The following SEMA5A variants were observed in gnomAD, a reference collection of about 807,000 sequenced individuals.
SEMA5A encodes semaphorin 5A, also known as semaphorin-5A.
A neutral mutation model predicts 135.5 loss-of-function variants in SEMA5A; 55 were observed. That is an observed-to-expected ratio of 0.41 (90% CI 0.33 to 0.51). The LOEUF is 0.51. Ranked by LOEUF, SEMA5A falls within the 20% of genes least tolerant of loss-of-function variation. The pLI is 0.37. For synonymous variants in SEMA5A, 580 were observed against 546.5 expected (o/e 1.06, Z -0.85); for missense variants, 1,290 against 1,419.9 (o/e 0.91, Z 1.47).
At position 9,154,589 on chromosome 5, in the gene SEMA5A, C is replaced by T. The variant is rs764953892; in HGVS notation, c.1380G>A (p.Arg460=). The T allele has an allele frequency of 1.1e-5, 17 of 1,613,796 alleles. No individual in the cohort carries two copies. The highest frequency in any genetic ancestry group is 5.3e-5 in the African/African-American group (4 of 74,914). ...LFPERRREPI[R]SLQILHSQSV... ...TCTGGCTGTGCAGGATCTGCAGGCT[C>T]CTGATGGGCTCCCTCCGCCTCTCAG... The change falls in exon 12 of 23, where the codon AGG becomes AGA. Residue 460 remains arginine, a synonymous_variant. Transcript: ENST00000382496.
chr5:9,510,564 C>A (rs181008071), intron 1 of SEMA5A, among the ~76,000 whole-genome samples: 1 of 151,988 alleles, frequency 6.6e-6, no homozygotes, highest in Non-Finnish European at 1.5e-5. Context: ...GTTTTATAAA[C>A]GGGTTATAGC....
chr5:9,040,650 ATAT>A lies in SEMA5A; in HGVS notation c.*2244_*2246del, dbSNP rs142324177. On this transcript the variant is annotated 3_prime_UTR_variant, in exon 23 of 23. Transcript: ENST00000382496. ...CAATGCTAATTTCAAAGGTTTGTTT[ATAT>A]TATTAACAACATGAAGATCCTGTAG... The A allele has an allele frequency of 1.3e-5, 2 of 152,230 alleles. No individual in the cohort carries two copies. The highest frequency in any genetic ancestry group is 2.4e-5 in the African/African-American group (1 of 41,464). 9.4% of individuals were successfully genotyped at this position (152,230 alleles called of 1,614,324 possible). A position where few individuals can be genotyped will look rare whatever the true frequency, so the allele number is the denominator to read the frequency against.
intron 2 of SEMA5A, among the ~76,000 whole-genome samples, chr5:9,417,395 C>T (rs1579507139): frequency 6.6e-6 from 1 of 152,210 alleles, no homozygotes; most frequent in Non-Finnish European, 1.5e-5. Flanking sequence ...AAATTTCTCA[C>T]ATAAATCTGA....
chr5:9,484,127 G>GA (rs1759986378), intron 1 of SEMA5A, among the ~76,000 whole-genome samples: 1 of 152,056 alleles, frequency 6.6e-6, no homozygotes, highest in African/African-American at 2.4e-5. Context: ...TTTTTCAGAG[G>GA]AAAAAAGAAC....
At chr5:9,278,700 C>G (rs955038071) in intron 5 of SEMA5A, among the ~76,000 whole-genome samples, 1 of 152,220 alleles carries the variant, frequency 6.6e-6, no homozygotes, top group African/African-American at 2.4e-5. Context: ...ACACATGCCC[C>G]AGCTCCAGCT....
intron 8 of SEMA5A, among the ~76,000 whole-genome samples, chr5:9,215,558 CA>C (rs111386749): frequency 0.029 from 4,470 of 152,208 alleles, 235 homozygotes; most frequent in African/African-American, 0.1. Context: ...TATCATAAGC[CA>C]AGGAGTGCCT....
intron 2 of SEMA5A, among the ~76,000 whole-genome samples, chr5:9,397,457 G>A (rs891797086): frequency 5.3e-5 from 8 of 152,090 alleles, no homozygotes; most frequent in African/African-American, 1.7e-4. Flanking sequence ...TTTAATCAAC[G>A]TAAAACACTT....
At chr5:9,216,557 A>T (rs921746072) in intron 8 of SEMA5A, among the ~76,000 whole-genome samples, 1 of 152,188 alleles carries the variant, frequency 6.6e-6, no homozygotes. Flanking sequence ...TTTGTGCCTC[A>T]ATGATCTGTC....
chr5:9,210,808 C>A (rs143402340), intron 8 of SEMA5A, among the ~76,000 whole-genome samples: 17 of 152,256 alleles, frequency 1.1e-4, no homozygotes, highest in African/African-American at 3.9e-4. Context: ...TGGCAGATGA[C>A]ATGGATTTGG....
intron 13 of SEMA5A, among the ~76,000 whole-genome samples, chr5:9,123,353 G>A (rs1740931112): frequency 6.7e-6 from 1 of 148,488 alleles, no homozygotes; most frequent in South Asian, 2.2e-4. Flanking sequence ...GAGATGGTGA[G>A]GAAGAAGCAG....
chr5:9,301,151 T>C (rs1476461331), intron 5 of SEMA5A, among the ~76,000 whole-genome samples: 1 of 152,220 alleles, frequency 6.6e-6, no homozygotes, highest in Non-Finnish European at 1.5e-5. Context: ...GTGTTTCTCA[T>C]GAGTTACATG....
In SEMA5A at chr5:9,136,689, C is replaced by T. The variant is rs147850244; in HGVS notation, c.1482-68G>A. On this transcript the variant is annotated intron_variant, in intron 12 of 22. Coordinates refer to ENST00000382496, the MANE Select transcript of SEMA5A (RefSeq NM_003966.3). ...CCATGATAAGATACACAAGACAAGG[C>T]GAACCTGTCCCTTGGCAGAGAGGTA... The T allele has an allele frequency of 1.4e-3, 1,755 of 1,258,248 alleles. 17 individuals are homozygous for T. The East Asian group carries it at 0.023, about 17-fold the overall frequency. 77.9% of individuals were successfully genotyped at this position (1,258,248 alleles called of 1,614,324 possible).
At chr5:9,074,965 A>G (rs896483468) in intron 16 of SEMA5A, among the ~76,000 whole-genome samples, 1 of 152,204 alleles carries the variant, frequency 6.6e-6, no homozygotes, top group African/African-American at 2.4e-5. Context: ...AGAATGCTAC[A>G]AGACAAACTC....
chr5:9,419,131 G>A (rs1228764344), intron 2 of SEMA5A, among the ~76,000 whole-genome samples: 1 of 152,008 alleles, frequency 6.6e-6, no homozygotes, highest in Non-Finnish European at 1.5e-5. Flanking sequence ...TGTTCACCTA[G>A]GAGTTATTCA....
intron 13 of SEMA5A, among the ~76,000 whole-genome samples, chr5:9,136,132 T>A (rs1227260519): frequency 6.6e-6 from 1 of 152,168 alleles, no homozygotes; most frequent in Admixed American, 6.5e-5. Flanking sequence ...TGGAATTATA[T>A]CTCCCAAAAG....
At chr5:9,058,715 G>A (rs1351218249) in intron 18 of SEMA5A, among the ~76,000 whole-genome samples, 2 of 152,200 alleles carry the variant, frequency 1.3e-5, no homozygotes, top group Non-Finnish European at 2.9e-5. Context: ...TTGCTCAACA[G>A]GCTTCCTGTG....
Position 9,482,972 on chromosome 5 carries a change from G to A in SEMA5A, c.-174-45120C>T, listed in dbSNP as rs574876648. On this transcript the variant is annotated intron_variant, in intron 1 of 22. Coordinates refer to ENST00000382496, the MANE Select transcript of SEMA5A (RefSeq NM_003966.3). ...TTTAAAAATTCATGATGAGCACATA[G>A]TAACTTAAATTCAAACATCAAAGGA... Among the ~76,000 whole-genome samples, 55 of 152,310 alleles carry A rather than the reference G, an allele frequency of 3.6e-4. No individual in the cohort carries two copies. The East Asian group carries it at 6.9e-3, about 19-fold the overall frequency.
At chr5:9,247,339 T>C (rs1748534621) in intron 5 of SEMA5A, among the ~76,000 whole-genome samples, 2 of 152,182 alleles carry the variant, frequency 1.3e-5, no homozygotes, top group East Asian at 1.9e-4. Flanking sequence ...CTGTATGAAC[T>C]GTCAGCCTAA....
At chr5:9,408,627 T>G (rs1756987905) in intron 2 of SEMA5A, among the ~76,000 whole-genome samples, 1 of 152,170 alleles carries the variant, frequency 6.6e-6, no homozygotes, top group African/African-American at 2.4e-5. Context: ...TATCAGTTGA[T>G]TTATCCTCAT....
Sources: allele counts gnomAD v4.1 joint callset (sites outside exome capture counted in the v4.1 genomes callset), GRCh38; gene constraint gnomAD v4.1.1; transcripts MANE v1.5; gene names NCBI Gene and HGNC (gene_info 2026-07-23, HGNC 2026-07-21).